The following CCDC184 variants were observed in gnomAD, a reference collection of about 807,000 sequenced individuals.
The protein encoded by CCDC184 is coiled-coil domain containing 184, also known as coiled-coil domain-containing protein 184.
CCDC184 carries 11 observed loss-of-function variants against 10.4 expected under a neutral mutation model. The ratio of observed to expected loss-of-function variants is 1.06; its 90% confidence interval spans 0.67 to 1.75. The LOEUF (loss-of-function observed/expected upper bound fraction) is 1.75. Ranked by LOEUF, CCDC184 falls within the 40% of genes most tolerant of loss-of-function variation. The pLI, the probability that CCDC184 is intolerant of heterozygous loss-of-function variation, is 0.00. For missense variants in CCDC184, 264 were observed against 267.9 expected (o/e 0.99, Z 0.10); for synonymous variants, 102 against 116.1 (o/e 0.88, Z 0.78).
chr12:48,184,232 A>T lies in CCDC184; in HGVS notation c.110A>T (p.Asn37Ile), dbSNP rs1294698643. 1.9e-6 allele frequency: 3 copies of T among 1,614,066 alleles called. No homozygotes were observed. The highest frequency in any genetic ancestry group is 2.5e-6 in the Non-Finnish European group (3 of 1,179,998). ...GGGGACGTGATCTCCGGGGAGTACA[A>T]CGGCGGCATGAAGGAACTGATGGAG... Reference protein sequence around the residue: ...AVGDVISGEYNGGMKELMEHL... With the variant: ...AVGDVISGEYIGGMKELMEHL... The change falls in exon 1 of 1, where the codon AAC (asparagine) becomes ATC (isoleucine). Residue 37 changes from asparagine (N) to isoleucine (I), a missense_variant. By Grantham distance (149) the Asn-to-Ile change is moderately radical (BLOSUM62 -3). Coordinates refer to ENST00000316554, the MANE Select transcript of CCDC184 (RefSeq NM_001013635.4).
In CCDC184 at chr12:48,185,010, C is replaced by T; in HGVS notation, c.*303C>T. 1 of 366,698 alleles carries T rather than the reference C, an allele frequency of 2.7e-6. No individual in the cohort carries two copies. The highest frequency in any genetic ancestry group is 5.1e-6 in the Non-Finnish European group (1 of 194,492). The allele number at this position is 366,698 out of a possible 1,614,324, so 22.7% of individuals were successfully genotyped here. ...CTGTCCTTTCCCCCTTCCCAGACAA[C>T]AGGAGAACCCGTGAATTGTGTAAAT... On this transcript the variant is annotated 3_prime_UTR_variant, in exon 1 of 1. Coordinates refer to ENST00000316554, the MANE Select transcript of CCDC184 (RefSeq NM_001013635.4).
chr12:48,185,795 A>G lies in CCDC184; in HGVS notation c.*1088A>G, dbSNP rs1243135221. 1.2e-5 allele frequency: 2 copies of G among 166,966 alleles called. No homozygotes were observed. 10.3% of individuals were successfully genotyped at this position (166,966 alleles called of 1,614,324 possible). On this transcript the variant is annotated 3_prime_UTR_variant, in exon 1 of 1. Coordinates refer to ENST00000316554, the MANE Select transcript of CCDC184 (RefSeq NM_001013635.4). The stretch of plus-strand genomic sequence containing the variant: ...GGGCATGGAGCATGTGGCTGTCCTG[A>G]GGTTCTTTTACTGATGTGCCGCCCT...
Position 48,183,923 on chromosome 12 carries a change from T to C in CCDC184, c.-200T>C, listed in dbSNP as rs1951483183. On this transcript the variant is annotated 5_prime_UTR_variant, in exon 1 of 1. Transcript: ENST00000316554. Reference sequence around the variant, plus strand: ...CGCCGGGTCCTCGTCCCGCAGCCTCTTCTCGGCCTCCCGCGATCCTGCCTG... The same window carrying C: ...CGCCGGGTCCTCGTCCCGCAGCCTCCTCTCGGCCTCCCGCGATCCTGCCTG... 1.8e-6 allele frequency: 1 copy of C among 569,672 alleles called. No homozygotes were observed. Among genetic ancestry groups the C allele is most frequent in the Non-Finnish European group, 3.1e-6 (1 of 320,556 alleles). 35.3% of individuals were successfully genotyped at this position (569,672 alleles called of 1,614,324 possible). A position where few individuals can be genotyped will look rare whatever the true frequency, so the allele number is the denominator to read the frequency against.
In CCDC184 at chr12:48,184,926, G is replaced by A; in HGVS notation, c.*219G>A. The A allele has an allele frequency of 3.7e-6, 2 of 535,066 alleles. No homozygotes were observed. The highest frequency in any genetic ancestry group is 6.8e-6 in the Non-Finnish European group (2 of 293,436). 33.1% of individuals were successfully genotyped at this position (535,066 alleles called of 1,614,324 possible). ...AACTAAGCGAATTATAGCGAACTGC[G>A]GAAAGGTGAGGCTCCGGGAGAGGAA... On this transcript the variant is annotated 3_prime_UTR_variant, in exon 1 of 1. Coordinates refer to ENST00000316554, the MANE Select transcript of CCDC184 (RefSeq NM_001013635.4).
In CCDC184 at chr12:48,184,109, G is replaced by T. The variant is rs760906214; in HGVS notation, c.-14G>T. ...ACGCGACCCAGAGCCTCCGCCACCC[G>T]CTTCTGCCACTCAATGGAGGACGGT... On this transcript the variant is annotated 5_prime_UTR_variant, in exon 1 of 1. Coordinates refer to ENST00000316554, the MANE Select transcript of CCDC184 (RefSeq NM_001013635.4). 9.3e-6 allele frequency: 12 copies of T among 1,294,986 alleles called. No homozygotes were observed. The South Asian group carries it at 1.3e-4, about 14-fold the overall frequency. The allele number at this position is 1,294,986 out of a possible 1,614,324, so 80.2% of individuals were successfully genotyped here.
Position 48,184,383 on chromosome 12 carries a change from C to G in CCDC184, c.261C>G (p.Val87=), listed in dbSNP as rs1365082831. The G allele has an allele frequency of 6.2e-7, 1 of 1,613,704 alleles. No homozygotes were observed. The change falls in exon 1 of 1, where the codon GTC becomes GTG. Residue 87 remains valine, a synonymous_variant. Coordinates refer to ENST00000316554, the MANE Select transcript of CCDC184 (RefSeq NM_001013635.4). The part of the protein sequence containing the change: ...DDVCANQRAI[V]SMCQIMTTAP... ...TGTGCGCCAACCAGCGAGCCATCGT[C>G]TCCATGTGCCAGATTATGACCACTG...
rs1951481943 is a variant in CCDC184, at chr12:48,183,751, G to A, written c.-372G>A. ...AGCCTGGACGCGGACCCCTCCGCGA[G>A]CGCGTCTGTGACCCACGGAACCGGC... On this transcript the variant is annotated 5_prime_UTR_variant, in exon 1 of 1. Coordinates refer to ENST00000316554, the MANE Select transcript of CCDC184 (RefSeq NM_001013635.4). 2 of 224,010 alleles carry A rather than the reference G, an allele frequency of 8.9e-6. No individual in the cohort carries two copies. The highest frequency in any genetic ancestry group is 1.7e-5 in the Non-Finnish European group (2 of 114,478). The allele number at this position is 224,010 out of a possible 1,614,324, so 13.9% of individuals were successfully genotyped here.
rs1208459223 is a variant in CCDC184, at chr12:48,185,554, A to T, written c.*847A>T. The T allele has an allele frequency of 1.8e-5, 3 of 166,366 alleles. No individual in the cohort carries two copies. Among genetic ancestry groups the T allele is most frequent in the Admixed American group, 1.3e-4 (2 of 15,166 alleles). The allele number at this position is 166,366 out of a possible 1,614,324, so 10.3% of individuals were successfully genotyped here. The stretch of plus-strand genomic sequence containing the variant: ...CTGTCTCTCCTGGCTACACCTGCTT[A>T]ACTTCAGTTCCTTTTTCTGTCAATA... On this transcript the variant is annotated 3_prime_UTR_variant, in exon 1 of 1. Coordinates refer to ENST00000316554, the MANE Select transcript of CCDC184 (RefSeq NM_001013635.4).
chr12:48,184,119 C>T lies in CCDC184; in HGVS notation c.-4C>T. 6.2e-7 allele frequency: 1 copy of T among 1,607,206 alleles called. No homozygotes were observed. The highest frequency in any genetic ancestry group is 8.5e-7 in the Non-Finnish European group (1 of 1,175,254). On this transcript the variant is annotated 5_prime_UTR_variant, in exon 1 of 1. Coordinates refer to ENST00000316554, the MANE Select transcript of CCDC184 (RefSeq NM_001013635.4). Reference sequence around the variant, plus strand: ...GAGCCTCCGCCACCCGCTTCTGCCACTCAATGGAGGACGGTCTGCTGGAGA... The same window carrying T: ...GAGCCTCCGCCACCCGCTTCTGCCATTCAATGGAGGACGGTCTGCTGGAGA...
Position 48,184,102 on chromosome 12 carries a change from G to A in CCDC184, c.-21G>A, listed in dbSNP as rs769666681. ...GGGCTGGACGCGACCCAGAGCCTCC[G>A]CCACCCGCTTCTGCCACTCAATGGA... On this transcript the variant is annotated 5_prime_UTR_variant, in exon 1 of 1. Transcript: ENST00000316554. 6 of 1,211,550 alleles carry A rather than the reference G, an allele frequency of 5.0e-6. No individual in the cohort carries two copies. The highest frequency in any genetic ancestry group is 2.4e-4 in the Middle Eastern group (1 of 4,112). The allele number at this position is 1,211,550 out of a possible 1,614,324, so 75.0% of individuals were successfully genotyped here.
chr12:48,184,376 C>A lies in CCDC184; in HGVS notation c.254C>A (p.Ala85Asp). The A allele has an allele frequency of 6.2e-7, 1 of 1,613,690 alleles. No homozygotes were observed. Among genetic ancestry groups the A allele is most frequent in the South Asian group, 1.1e-5 (1 of 91,080 alleles). ...GACGACGTGTGCGCCAACCAGCGAG[C>A]CATCGTCTCCATGTGCCAGATTATG... ...LSDDVCANQR[A>D]IVSMCQIMTT... Residue 85 changes from alanine (A) to aspartate (D), a missense_variant, in exon 1 of 1, where the codon GCC (alanine) becomes GAC (aspartate). Physicochemically the swap from Ala to Asp is moderately radical, Grantham distance 126. Coordinates refer to ENST00000316554, the MANE Select transcript of CCDC184 (RefSeq NM_001013635.4).
At position 48,183,957 on chromosome 12, in the gene CCDC184, G is replaced by A; in HGVS notation, c.-166G>A. The A allele has an allele frequency of 1.6e-6, 1 of 609,604 alleles. No individual in the cohort carries two copies. The allele number at this position is 609,604 out of a possible 1,614,324, so 37.8% of individuals were successfully genotyped here. ...TCCCGCGATCCTGCCTGCGCCCTCTGCCCAGGACTCGTCTCTCACGTCGGC... is the reference window on the plus strand; with the variant it reads ...TCCCGCGATCCTGCCTGCGCCCTCTACCCAGGACTCGTCTCTCACGTCGGC... On this transcript the variant is annotated 5_prime_UTR_variant, in exon 1 of 1. Coordinates refer to ENST00000316554, the MANE Select transcript of CCDC184 (RefSeq NM_001013635.4).
At position 48,184,277 on chromosome 12, in the gene CCDC184, A is replaced by T. The variant is rs1951486689; in HGVS notation, c.155A>T (p.Gln52Leu). 2.5e-6 allele frequency: 4 copies of T among 1,614,108 alleles called. No individual in the cohort carries two copies. The highest frequency in any genetic ancestry group is 3.4e-6 in the Non-Finnish European group (4 of 1,180,006). ...ATGGAGCACCTGAAAGCCCAGCTGC[A>T]AGCCCTGTTTGAGGACGTGAGGGCC... is the stretch of plus-strand genomic sequence containing the variant. ...ELMEHLKAQL[Q>L]ALFEDVRAMR... The change falls in exon 1 of 1, where the codon CAA becomes CTA. Residue 52 changes from glutamine (Q) to leucine (L), a missense_variant. Coordinates refer to ENST00000316554, the MANE Select transcript of CCDC184 (RefSeq NM_001013635.4).
rs1486286794 is a variant in CCDC184 at position 48,184,881 on chromosome 12, A to G, written c.*174A>G. ...TTGTAGGGTGAAGGACTTTGGGAGC[A>G]TCGAGAATTCTTTCTGCCCAACTAA... On this transcript the variant is annotated 3_prime_UTR_variant, in exon 1 of 1. Coordinates refer to ENST00000316554, the MANE Select transcript of CCDC184 (RefSeq NM_001013635.4). 1 of 589,830 alleles carries G rather than the reference A, an allele frequency of 1.7e-6. No individual in the cohort carries two copies. Among genetic ancestry groups the G allele is most frequent in the Non-Finnish European group, 3.0e-6 (1 of 329,712 alleles). The allele number at this position is 589,830 out of a possible 1,614,324, so 36.5% of individuals were successfully genotyped here.
chr12:48,185,057 T>A lies in CCDC184; in HGVS notation c.*350T>A. 2 of 226,198 alleles carry A rather than the reference T, an allele frequency of 8.8e-6. No individual in the cohort carries two copies. Among genetic ancestry groups the A allele is most frequent in the Non-Finnish European group, 1.9e-5 (2 of 106,098 alleles). The allele number at this position is 226,198 out of a possible 1,614,324, so 14.0% of individuals were successfully genotyped here. On this transcript the variant is annotated 3_prime_UTR_variant, in exon 1 of 1. Coordinates refer to ENST00000316554, the MANE Select transcript of CCDC184 (RefSeq NM_001013635.4). Reference sequence around the variant, plus strand: ...AAATAAAATTCTGCTTTTTCTATTCTGAAAAAGGACTTACCTAGGACCATG... The same window carrying A: ...AAATAAAATTCTGCTTTTTCTATTCAGAAAAAGGACTTACCTAGGACCATG...
chr12:48,184,629 G>T lies in CCDC184; in HGVS notation c.507G>T (p.Gly169=), dbSNP rs775229625. The change falls in exon 1 of 1, where the codon GGG becomes GGT. Residue 169 remains glycine, a synonymous_variant. Coordinates refer to ENST00000316554, the MANE Select transcript of CCDC184 (RefSeq NM_001013635.4). The part of the protein sequence containing the change: ...RPESPCAGLL[G]GDGPLVEPLD... ...AAAGCCCCTGTGCTGGTCTCCTTGG[G>T]GGGGACGGGCCACTTGTGGAGCCCC... 22 of 1,580,922 alleles carry T rather than the reference G, an allele frequency of 1.4e-5. No individual in the cohort carries two copies. In the Admixed American group the frequency reaches 3.6e-4, roughly 26 times the overall value.
In CCDC184 at chr12:48,184,044, T is replaced by TGC; in HGVS notation, c.-79_-78insGC. The TGC allele has an allele frequency of 4.6e-6, 3 of 652,398 alleles. No individual in the cohort carries two copies. The highest frequency in any genetic ancestry group is 3.9e-5 in the East Asian group (1 of 25,748). 40.4% of individuals were successfully genotyped at this position (652,398 alleles called of 1,614,324 possible). A position where few individuals can be genotyped will look rare whatever the true frequency, so the allele number is the denominator to read the frequency against. On this transcript the variant is annotated 5_prime_UTR_variant, in exon 1 of 1. Transcript: ENST00000316554. ...TCCCGCTAGCCCCTCCCGGGACCTC[T>TGC]CCCCCTCCACCCCCTCCCCCACCCC...
Position 48,184,347 on chromosome 12 carries a change from C to G in CCDC184, c.225C>G (p.Leu75=), listed in dbSNP as rs766033672. 1.7e-5 allele frequency: 27 copies of G among 1,613,880 alleles called. No homozygotes were observed. Among genetic ancestry groups the G allele is most frequent in the Non-Finnish European group, 2.1e-5 (25 of 1,180,008 alleles). Residue 75 remains leucine (L), a synonymous_variant, in exon 1 of 1, where the codon CTC becomes CTG. Coordinates refer to ENST00000316554, the MANE Select transcript of CCDC184 (RefSeq NM_001013635.4). ...LDEQASHIQV[L]SDDVCANQRA... ...AGCAGGCCTCGCACATCCAGGTGCTCTCGGACGACGTGTGCGCCAACCAGC... is the reference window on the plus strand; with the variant it reads ...AGCAGGCCTCGCACATCCAGGTGCTGTCGGACGACGTGTGCGCCAACCAGC...
chr12:48,184,838 ACTC>A lies in CCDC184; in HGVS notation c.*133_*135del. On this transcript the variant is annotated 3_prime_UTR_variant, in exon 1 of 1. Coordinates refer to ENST00000316554, the MANE Select transcript of CCDC184 (RefSeq NM_001013635.4). Reference sequence around the variant, plus strand: ...GCTCTTGTGGGTCAGGCAGAGAGAGACTCCCTCGAGGAAGGATTTGTAGGGTGA... The same window carrying A: ...GCTCTTGTGGGTCAGGCAGAGAGAGACCTCGAGGAAGGATTTGTAGGGTGA... 1.5e-6 allele frequency: 1 copy of A among 687,574 alleles called. No homozygotes were observed. The highest frequency in any genetic ancestry group is 2.4e-6 in the Non-Finnish European group (1 of 408,620). The allele number at this position is 687,574 out of a possible 1,614,324, so 42.6% of individuals were successfully genotyped here.
Sources: gnomAD v4.1 joint callset for allele counts on GRCh38, gnomAD v4.1.1 for gene constraint, MANE v1.5 for transcripts, NCBI Gene and HGNC (gene_info 2026-07-23, HGNC 2026-07-21) for gene names.